The following SIPA1L2 variants were observed in gnomAD, a reference collection of about 807,000 sequenced individuals.
SIPA1L2 encodes signal induced proliferation associated 1 like 2, also known as signal-induced proliferation-associated 1-like protein 2.
SIPA1L2 carries 56 observed loss-of-function variants against 163.9 expected under a neutral mutation model. That is an observed-to-expected ratio of 0.34 (90% CI 0.28 to 0.43). The LOEUF is 0.43. Among genes scored for constraint, SIPA1L2 ranks in the 20% least tolerant of loss-of-function variants. The pLI, the probability that SIPA1L2 is intolerant of heterozygous loss-of-function variation, is 1.00. For missense variants in SIPA1L2, 1,974 were observed against 2,193.5 expected (o/e 0.90, Z 2.00); for synonymous variants, 877 against 865.7 (o/e 1.01, Z -0.23).
At chr1:232,622,267 C>A (rs1308802851) in intron 1 of SIPA1L2, among the ~76,000 whole-genome samples, 1 of 152,148 alleles carries the variant, frequency 6.6e-6, no homozygotes, top group Non-Finnish European at 1.5e-5. Flanking sequence ...AAGACTTTTA[C>A]CATATAAAAT....
intron 2 of SIPA1L2, among the ~76,000 whole-genome samples, chr1:232,533,228 G>C (rs1431661950): frequency 1.3e-5 from 2 of 152,144 alleles, no homozygotes; most frequent in East Asian, 3.8e-4. Flanking sequence ...TTCTAGTGTT[G>C]ATTCATCTTT....
At chr1:232,493,890 C>A (rs906726334) in intron 3 of SIPA1L2, among the ~76,000 whole-genome samples, 1 of 152,198 alleles carries the variant, frequency 6.6e-6, no homozygotes, top group Non-Finnish European at 1.5e-5. Flanking sequence ...AGTTCATGAA[C>A]AGCAAAAGCC....
At chr1:232,525,177 C>A (rs1667636027) in intron 2 of SIPA1L2, among the ~76,000 whole-genome samples, 1 of 141,162 alleles carries the variant, frequency 7.1e-6, no homozygotes, top group Non-Finnish European at 1.5e-5. Context: ...CAGGTATTTA[C>A]AAAAATACTG....
intron 2 of SIPA1L2, among the ~76,000 whole-genome samples, chr1:232,521,738 G>T (rs955727783): frequency 6.6e-6 from 1 of 152,160 alleles, no homozygotes; most frequent in Non-Finnish European, 1.5e-5. Context: ...CTTTTGGTCT[G>T]CTGGCTGGCT....
chr1:232,514,895 G>A lies in SIPA1L2; in HGVS notation c.445C>T (p.Pro149Ser). The change falls in exon 3 of 23, where the codon CCC (proline) becomes TCC (serine). Residue 149 changes from proline (P) to serine (S), a missense_variant. By Grantham distance (74) the Pro-to-Ser change is moderately conservative. This residue lies in a region of SIPA1L2 where 607 missense variants were observed against 624.0 expected (regional missense o/e 0.97). Coordinates refer to ENST00000674635, the MANE Select transcript of SIPA1L2 (RefSeq NM_020808.5). ...CTTATGGGGTGAAGTCCTCTTTGGG[G>A]GGAATGGACAAAGATGTCTCCGATT... ...YTIGDIFVHS[P>S]QRGLHPIRQR... The A allele has an allele frequency of 1.2e-6, 2 of 1,614,118 alleles. No homozygotes were observed. Among genetic ancestry groups the A allele is most frequent in the Admixed American group, 1.7e-5 (1 of 60,020 alleles).
intron 3 of SIPA1L2, among the ~76,000 whole-genome samples, chr1:232,500,001 G>C (rs897048592): frequency 1.3e-5 from 2 of 151,342 alleles, no homozygotes; most frequent in African/African-American, 2.4e-5. Context: ...TTTTTGAGAC[G>C]GAGTCTCGCT....
In SIPA1L2 at chr1:232,432,542, G is replaced by C. The variant is rs1427454743; in HGVS notation, c.4032-71C>G. On this transcript the variant is annotated intron_variant, in intron 15 of 22. Coordinates refer to ENST00000674635, the MANE Select transcript of SIPA1L2 (RefSeq NM_020808.5). The stretch of plus-strand genomic sequence containing the variant: ...CAGTGCTGGCACACGGCCAAATTCA[G>C]AGCCACAAGGCTTTACTCAAGTCTT... The C allele has an allele frequency of 1.7e-5, 24 of 1,446,396 alleles. No individual in the cohort carries two copies. In the South Asian group the frequency reaches 2.6e-4, roughly 16 times the overall value. The allele number at this position is 1,446,396 out of a possible 1,614,324, so 89.6% of individuals were successfully genotyped here.
chr1:232,463,197 T>G lies in SIPA1L2; in HGVS notation c.2820+1643A>C, dbSNP rs73092893. On this transcript the variant is annotated intron_variant, in intron 9 of 22. Transcript: ENST00000674635. The stretch of plus-strand genomic sequence containing the variant: ...GCACATCCGTGAAGTGAGCCCTGCC[T>G]GGCCCTCTAGGAACAAACTCTCATT... Among the ~76,000 whole-genome samples the G allele has an allele frequency of 9.1e-3, 1,380 of 152,356 alleles. 27 individuals are homozygous for G. Among genetic ancestry groups the G allele is most frequent in the African/African-American group, 0.031 (1,308 of 41,584 alleles).
chr1:232,587,539 C>T (rs1660736857), intron 1 of SIPA1L2, among the ~76,000 whole-genome samples: 2 of 152,166 alleles, frequency 1.3e-5, no homozygotes, highest in South Asian at 4.1e-4. Flanking sequence ...TTTTGTACAG[C>T]ATCAACAGTA....
chr1:232,598,678 T>C (rs1661416792), intron 1 of SIPA1L2, among the ~76,000 whole-genome samples: 1 of 152,110 alleles, frequency 6.6e-6, no homozygotes, highest in South Asian at 2.1e-4. Flanking sequence ...AACGTCACCA[T>C]CTTACATGGG....
chr1:232,478,010 C>T (rs1409470354), intron 7 of SIPA1L2, among the ~76,000 whole-genome samples: 2 of 152,178 alleles, frequency 1.3e-5, no homozygotes, highest in Non-Finnish European at 2.9e-5. Context: ...TTCTGAGCAA[C>T]AACTCCCACA....
At chr1:232,627,021 T>G (rs1238872563) in intron 1 of SIPA1L2, among the ~76,000 whole-genome samples, 2 of 152,146 alleles carry the variant, frequency 1.3e-5, no homozygotes, top group African/African-American at 2.4e-5. Flanking sequence ...AGGACTGTAC[T>G]TTGTATTTCA....
chr1:232,400,752 T>C (rs1459699423), intron 22 of SIPA1L2, among the ~76,000 whole-genome samples: 1 of 152,176 alleles, frequency 6.6e-6, no homozygotes, highest in Non-Finnish European at 1.5e-5. Flanking sequence ...TCTGACACTC[T>C]GGCCGTTCAG....
At chr1:232,620,129 C>T (rs976429791) in intron 1 of SIPA1L2, among the ~76,000 whole-genome samples, 6 of 152,300 alleles carry the variant, frequency 3.9e-5, no homozygotes, top group South Asian at 2.1e-4. Flanking sequence ...ATGATCCGCC[C>T]GCCTCAGCCT....
At chr1:232,613,983 G>A (rs1238909389) in intron 1 of SIPA1L2, among the ~76,000 whole-genome samples, 1 of 152,096 alleles carries the variant, frequency 6.6e-6, no homozygotes, top group African/African-American at 2.4e-5. Context: ...ACTTATCTGA[G>A]GATTATTAGT....
At chr1:232,497,518 A>T (rs542014826) in intron 3 of SIPA1L2, among the ~76,000 whole-genome samples, 5 of 152,082 alleles carry the variant, frequency 3.3e-5, no homozygotes, top group Non-Finnish European at 7.4e-5. Context: ...TTACTATTTA[A>T]TCCTCAATCT....
At chr1:232,442,210 T>G (rs1662944015) in intron 12 of SIPA1L2, among the ~76,000 whole-genome samples, 1 of 151,636 alleles carries the variant, frequency 6.6e-6, no homozygotes, top group African/African-American at 2.4e-5. Flanking sequence ...ACGTTACGCT[T>G]AGAATACATG....
intron 16 of SIPA1L2, among the ~76,000 whole-genome samples, 177 bp downstream of exon 16, chr1:232,432,070 A>G (rs76634935): frequency 0.018 from 2,670 of 152,330 alleles, 92 homozygotes; most frequent in African/African-American, 0.059. Flanking sequence ...TTTATGTAAA[A>G]ATCAAGAGAA....
intron 22 of SIPA1L2, 105 bp downstream of exon 22, chr1:232,402,287 G>T: frequency 1.1e-6 from 1 of 928,922 alleles, no homozygotes; most frequent in Non-Finnish European, 1.6e-6. Context: ...TGGTTTTTGT[G>T]TAAGGCAGTT....
Sources: allele counts gnomAD v4.1 joint callset (sites outside exome capture counted in the v4.1 genomes callset), GRCh38; gene constraint gnomAD v4.1.1; regional missense constraint gnomAD v4.1.1; transcripts MANE v1.5; gene names NCBI Gene and HGNC (gene_info 2026-07-23, HGNC 2026-07-21).